Variants in PDE3A observed in about 807,000 individuals in gnomAD.
PDE3A encodes the protein cGMP-inhibited 3',5'-cyclic phosphodiesterase 3A.
Under a neutral mutation model 98.3 loss-of-function variants are expected in PDE3A, and 43 were observed. The observed-to-expected ratio is 0.44, with a 90% CI of 0.34 to 0.56. The LOEUF (loss-of-function observed/expected upper bound fraction) is 0.56. Among genes scored for constraint, PDE3A ranks in the 20% least tolerant of loss-of-function variants. PDE3A has a pLI of 0.01. For synonymous variants in PDE3A, 663 were observed against 567.9 expected (o/e 1.17, Z -2.38); for missense variants, 1,427 against 1,440.7 (o/e 0.99, Z 0.15).
intron 1 of PDE3A, chr12:20,449,856 T>C: frequency 1.7e-6 from 1 of 601,898 alleles, no homozygotes; most frequent in Non-Finnish European, 2.9e-6. Flanking sequence ...GACCTGCCCC[T>C]TTTAGTGGAC....
intron 1 of PDE3A, among the ~76,000 whole-genome samples, chr12:20,385,983 T>TATATATATAAATATATATATA (rs1943752680): frequency 4.0e-4 from 28 of 69,888 alleles, no homozygotes; most frequent in African/African-American, 1.3e-3. Flanking sequence ...TATTAATATA[T>TATATATATAAATATATATATA]AATATATATA....
At chr12:20,565,424 G>A (rs1179186479) in intron 2 of PDE3A, among the ~76,000 whole-genome samples, 1 of 151,936 alleles carries the variant, frequency 6.6e-6, no homozygotes, top group East Asian at 1.9e-4. Context: ...TCTGTGGGTG[G>A]ATTTTTGATT....
chr12:20,609,475 A>T (rs1943794634), intron 2 of PDE3A, among the ~76,000 whole-genome samples: 1 of 152,034 alleles, frequency 6.6e-6, no homozygotes, highest in South Asian at 2.1e-4. Context: ...TATTTATACT[A>T]CCCAAAGAAA....
chr12:20,675,805 T>C (rs1357489698), intron 15 of PDE3A, among the ~76,000 whole-genome samples: 1 of 152,222 alleles, frequency 6.6e-6, no homozygotes, highest in Non-Finnish European at 1.5e-5. Context: ...TTGCATGAAG[T>C]ATATTTTTCT....
At chr12:20,397,836 C>T (rs944876263) in intron 1 of PDE3A, among the ~76,000 whole-genome samples, 5 of 151,924 alleles carry the variant, frequency 3.3e-5, no homozygotes, top group Non-Finnish European at 7.4e-5. Context: ...TTCTTAGATG[C>T]TAACAAAACT....
At chr12:20,421,880 T>G (rs558743379) in intron 1 of PDE3A, among the ~76,000 whole-genome samples, 1 of 152,306 alleles carries the variant, frequency 6.6e-6, no homozygotes, top group East Asian at 1.9e-4. Context: ...GCTCTGAGAA[T>G]AGCCTGTCTG....
At chr12:20,669,881 T>C (rs1400773584) in intron 15 of PDE3A, among the ~76,000 whole-genome samples, 4 of 151,652 alleles carry the variant, frequency 2.6e-5, no homozygotes, top group Admixed American at 2.6e-4. Context: ...GACTAAATGC[T>C]CCAATTAAAA....
At chr12:20,481,764 A>ATTTTTTTTTT (rs10657239) in intron 1 of PDE3A, among the ~76,000 whole-genome samples, 2,035 of 79,526 alleles carry the variant, frequency 0.026, 338 homozygotes, top group African/African-American at 0.068. Context: ...TGGGAAATAG[A>ATTTTTTTTTT]TTTTTTTTTT....
intron 15 of PDE3A, among the ~76,000 whole-genome samples, chr12:20,665,303 A>G (rs1284871725): frequency 6.6e-6 from 1 of 152,252 alleles, no homozygotes; most frequent in African/African-American, 2.4e-5. Context: ...AGAAACCTCA[A>G]TAGTGAATGC....
Position 20,680,394 on chromosome 12 carries a change from G to C in PDE3A, c.*123G>C. On this transcript the variant is annotated 3_prime_UTR_variant, in exon 16 of 16. Transcript: ENST00000359062. Reference sequence around the variant, plus strand: ...GATGGGCAAATGGCTATTGCATTTTGGGATTCTTCGCATTTTGTGTGTATA... The same window carrying C: ...GATGGGCAAATGGCTATTGCATTTTCGGATTCTTCGCATTTTGTGTGTATA... The C allele has an allele frequency of 2.0e-6, 2 of 1,004,002 alleles. No individual in the cohort carries two copies. The highest frequency in any genetic ancestry group is 1.7e-5 in the South Asian group (1 of 57,292). 62.2% of individuals were successfully genotyped at this position (1,004,002 alleles called of 1,614,324 possible). A position where few individuals can be genotyped will look rare whatever the true frequency, so the allele number is the denominator to read the frequency against.
At chr12:20,605,546 A>G (rs1943690807) in intron 2 of PDE3A, among the ~76,000 whole-genome samples, 1 of 152,108 alleles carries the variant, frequency 6.6e-6, no homozygotes, top group African/African-American at 2.4e-5. Flanking sequence ...ATGTAGAGAA[A>G]TGAATTACTT....
intron 1 of PDE3A, among the ~76,000 whole-genome samples, chr12:20,443,484 C>G (rs535843241): frequency 3.3e-5 from 5 of 152,000 alleles, no homozygotes; most frequent in Non-Finnish European, 5.9e-5. Flanking sequence ...ACTGAGGATA[C>G]AGACATGAAA....
chr12:20,368,554 G>A lies in PDE3A; in HGVS notation c.-731G>A, dbSNP rs529218601. Reference sequence around the variant, plus strand: ...CGGCTGCCGCTAGTCTCTCGGTCTGGCTCTCTCTCCGACGGGACTTAGCAA... The same window carrying A: ...CGGCTGCCGCTAGTCTCTCGGTCTGACTCTCTCTCCGACGGGACTTAGCAA... On this transcript the variant is annotated 5_prime_UTR_variant, in exon 1 of 16. Coordinates refer to ENST00000359062, the MANE Select transcript of PDE3A (RefSeq NM_000921.5). Among the ~76,000 whole-genome samples the A allele has an allele frequency of 6.6e-6, 1 of 150,464 alleles. No individual in the cohort carries two copies. The highest frequency in any genetic ancestry group is 2.0e-4 in the East Asian group (1 of 5,122).
chr12:20,390,306 G>A (rs1943889144), intron 1 of PDE3A, among the ~76,000 whole-genome samples: 1 of 151,908 alleles, frequency 6.6e-6, no homozygotes, highest in Non-Finnish European at 1.5e-5. Context: ...AAAGAGTGAT[G>A]TGAACAGATT....
chr12:20,666,427 A>G (rs984190301), intron 15 of PDE3A, among the ~76,000 whole-genome samples: 2 of 151,576 alleles, frequency 1.3e-5, no homozygotes, highest in Admixed American at 6.6e-5. Context: ...ATTCCTCCTA[A>G]CCCCCAACCA....
chr12:20,511,580 A>T (rs1049731629), intron 1 of PDE3A, among the ~76,000 whole-genome samples: 1 of 152,120 alleles, frequency 6.6e-6, no homozygotes. Context: ...AATATTCATG[A>T]TCCTGTACTA....
In PDE3A at chr12:20,540,787, C is replaced by T. The variant is rs556948481; in HGVS notation, c.961-15873C>T. On this transcript the variant is annotated intron_variant, in intron 1 of 15. Coordinates refer to ENST00000359062, the MANE Select transcript of PDE3A (RefSeq NM_000921.5). ...TTCATTAGGAAAACTTTGGCTAGGA[C>T]ATGGTGATAATGTGCAGATATTTTG... Among the ~76,000 whole-genome samples the T allele has an allele frequency of 3.3e-5, 5 of 152,110 alleles. No individual in the cohort carries two copies. In the East Asian group the frequency reaches 9.7e-4, roughly 29 times the overall value.
chr12:20,548,796 CA>C (rs1412850449), intron 1 of PDE3A, among the ~76,000 whole-genome samples: 1 of 152,072 alleles, frequency 6.6e-6, no homozygotes, highest in Non-Finnish European at 1.5e-5. Context: ...ATGATAATGT[CA>C]AATGATTACT....
intron 2 of PDE3A, among the ~76,000 whole-genome samples, chr12:20,601,216 A>G (rs556236535): frequency 6.6e-6 from 1 of 151,404 alleles, no homozygotes; most frequent in Admixed American, 6.6e-5. Context: ...CTCAAAAGGT[A>G]TAGCTCCAAG....
Sources: gnomAD v4.1 joint callset for allele counts (sites outside exome capture counted in the v4.1 genomes callset) on GRCh38, gnomAD v4.1.1 for gene constraint, MANE v1.5 for transcripts, NCBI Gene and HGNC (gene_info 2026-07-23, HGNC 2026-07-21) for gene names.